RIT2: variants seen among roughly 807,000 people sequenced by gnomAD.
The protein encoded by RIT2 is Ras like without CAAX 2, also known as GTP-binding protein Rit2.
RIT2 carries 24 observed loss-of-function variants against 23.7 expected under a neutral mutation model. The observed-to-expected ratio is 1.01, with a 90% confidence interval of 0.73 to 1.43. The LOEUF is 1.43. Ranked by LOEUF, RIT2 falls within the 40% of genes most tolerant of loss-of-function variation. RIT2 has a pLI of 0.00. For synonymous variants in RIT2, 107 were observed against 91.1 expected, an observed-to-expected ratio of 1.17 and a Z score of -0.99; for missense variants, 236 against 266.9, an observed-to-expected ratio of 0.88 and a Z score of 0.81.
At chr18:43,115,285 G>T in intron 1 of RIT2, 132 bp downstream of exon 1, 2 of 1,140,452 alleles carry the variant, frequency 1.8e-6, no homozygotes, top group Non-Finnish European at 2.5e-6. Context: ...GGAGCATCCT[G>T]CCAGACCCAT....
chr18:42,970,227 A>C (rs981041631), intron 3 of RIT2, among the ~76,000 whole-genome samples: 3 of 152,036 alleles, frequency 2.0e-5, no homozygotes, highest in Non-Finnish European at 4.4e-5. Context: ...GAAACTATAA[A>C]GAAATTCTCA....
intron 4 of RIT2, among the ~76,000 whole-genome samples, chr18:42,820,536 A>G (rs1317796087): frequency 6.6e-6 from 1 of 152,078 alleles, no homozygotes; most frequent in Admixed American, 6.6e-5. Flanking sequence ...AAGGGACTGG[A>G]ATGAAGAAGG....
At chr18:43,012,309 C>T (rs116154374) in intron 2 of RIT2, among the ~76,000 whole-genome samples, 1 of 151,712 alleles carries the variant, frequency 6.6e-6, no homozygotes, top group Non-Finnish European at 1.5e-5. Context: ...TTTTTCTTTA[C>T]CTCTATAAAT....
intron 2 of RIT2, among the ~76,000 whole-genome samples, chr18:43,025,901 G>A (rs1233367970): frequency 6.6e-6 from 1 of 151,848 alleles, no homozygotes; most frequent in East Asian, 1.9e-4. Context: ...TTCAGGTGAT[G>A]GCTACACTAA....
At chr18:43,111,560 T>C (rs1204150398) in intron 1 of RIT2, among the ~76,000 whole-genome samples, 1 of 152,166 alleles carries the variant, frequency 6.6e-6, no homozygotes, top group Non-Finnish European at 1.5e-5. Flanking sequence ...ATGTACTCCA[T>C]AAATATATAC....
At chr18:42,874,204 T>C (rs1907690536) in intron 4 of RIT2, among the ~76,000 whole-genome samples, 1 of 152,200 alleles carries the variant, frequency 6.6e-6, no homozygotes, top group Non-Finnish European at 1.5e-5. Flanking sequence ...GTCTTTCTTA[T>C]ACATTTTAAT....
intron 2 of RIT2, among the ~76,000 whole-genome samples, chr18:43,026,628 GAA>G (rs1568059916): frequency 0.13 from 17,547 of 136,472 alleles, 1,549 homozygotes; most frequent in Non-Finnish European, 0.18. Flanking sequence ...AAGAAAGAAA[GAA>G]AGAAAGAGAG....
intron 1 of RIT2, among the ~76,000 whole-genome samples, chr18:43,053,927 C>T (rs928719885): frequency 1.3e-5 from 2 of 152,006 alleles, no homozygotes; most frequent in African/African-American, 4.8e-5. Flanking sequence ...ATCATACTTG[C>T]CTACAATAGA....
intron 4 of RIT2, among the ~76,000 whole-genome samples, chr18:42,829,406 T>C (rs1906394583): frequency 6.6e-6 from 1 of 152,148 alleles, no homozygotes; most frequent in Non-Finnish European, 1.5e-5. Flanking sequence ...TTACAAAAGG[T>C]TAAACTCTAC....
In RIT2 at chr18:42,994,897, T is replaced by C. The variant is rs188911450; in HGVS notation, c.161-20750A>G. On this transcript the variant is annotated intron_variant, in intron 2 of 4. Coordinates refer to ENST00000326695, the MANE Select transcript of RIT2 (RefSeq NM_002930.4). ...GGCTCCTTCAGCTACACTCACTCTTTGTTGAGTCTCCCACAATTACCATTG... is the reference window on the plus strand; with the variant it reads ...GGCTCCTTCAGCTACACTCACTCTTCGTTGAGTCTCCCACAATTACCATTG... 9.2e-5 allele frequency among the ~76,000 whole-genome samples: 14 copies of C among 152,274 alleles called. 1 individual carries two copies. In the East Asian group the frequency reaches 2.3e-3, roughly 25 times the overall value.
At chr18:42,976,742 T>C (rs1910485934) in intron 2 of RIT2, among the ~76,000 whole-genome samples, 2 of 152,118 alleles carry the variant, frequency 1.3e-5, no homozygotes, top group African/African-American at 2.4e-5. Flanking sequence ...CATCTTCAAA[T>C]GTGCATTTTA....
chr18:42,954,210 T>A (rs1909917998), intron 3 of RIT2, among the ~76,000 whole-genome samples: 1 of 151,966 alleles, frequency 6.6e-6, no homozygotes, highest in Middle Eastern at 3.4e-3. Context: ...AAACCCTGTC[T>A]CTACTAAAAA....
rs1912834853 is a variant in RIT2 at position 42,743,277 on chromosome 18, A to G, written c.*216T>C. The G allele has an allele frequency of 1.8e-6, 1 of 568,606 alleles. No homozygotes were observed. The highest frequency in any genetic ancestry group is 3.1e-6 in the Non-Finnish European group (1 of 320,778). 35.2% of individuals were successfully genotyped at this position (568,606 alleles called of 1,614,324 possible). ...TTTAGTACTATGTTGTAAAAACTAA[A>G]CAGCATATCCAGCTGATTGACAAAA... On this transcript the variant is annotated 3_prime_UTR_variant, in exon 5 of 5. Transcript: ENST00000326695.
chr18:42,850,076 C>CGTGTGTGTGTGTGTGT (rs60962443), intron 4 of RIT2, among the ~76,000 whole-genome samples: 11 of 142,736 alleles, frequency 7.7e-5, no homozygotes, highest in African/African-American at 2.8e-4. Context: ...AAAATACACC[C>CGTGTGTGTGTGTGTGT]GTGTGTGTGT....
intron 1 of RIT2, among the ~76,000 whole-genome samples, chr18:43,069,488 A>G (rs1662342326): frequency 6.6e-6 from 1 of 152,180 alleles, no homozygotes; most frequent in African/African-American, 2.4e-5. Flanking sequence ...ATTTGGAAAT[A>G]CGATGTTATC....
intron 4 of RIT2, among the ~76,000 whole-genome samples, chr18:42,909,178 G>A (rs1416169755): frequency 6.6e-6 from 1 of 152,114 alleles, no homozygotes; most frequent in Admixed American, 6.6e-5. Context: ...GCAGCAACTT[G>A]GACAGAGCTT....
chr18:42,783,384 G>A (rs551924844), intron 4 of RIT2, among the ~76,000 whole-genome samples: 7 of 152,126 alleles, frequency 4.6e-5, no homozygotes, highest in African/African-American at 1.7e-4. Context: ...AAGATAAGTG[G>A]AAGGAAATAA....
chr18:43,031,150 T>C (rs1911845231), intron 2 of RIT2, among the ~76,000 whole-genome samples: 1 of 151,906 alleles, frequency 6.6e-6, no homozygotes, highest in African/African-American at 2.4e-5. Context: ...TCTCGGTGCC[T>C]ATACTTTTTG....
intron 4 of RIT2, among the ~76,000 whole-genome samples, chr18:42,878,304 T>C (rs1281962354): frequency 6.6e-6 from 1 of 151,598 alleles, no homozygotes; most frequent in African/African-American, 2.4e-5. Context: ...TAATATATTG[T>C]ATTCTTATAA....
Sources: gnomAD v4.1 joint callset for allele counts (sites outside exome capture counted in the v4.1 genomes callset) on GRCh38, gnomAD v4.1.1 for gene constraint, MANE v1.5 for transcripts, NCBI Gene and HGNC (gene_info 2026-07-23, HGNC 2026-07-21) for gene names.